Variants in PCDHA7 observed in about 807,000 individuals in gnomAD.
PCDHA7 encodes protocadherin alpha-7.
Under a neutral mutation model 57.2 loss-of-function variants are expected in PCDHA7, and 37 were observed. That is an observed-to-expected ratio of 0.65 (90% CI 0.50 to 0.85). The LOEUF is 0.85. Ranked by LOEUF, PCDHA7 falls within the 40% of genes least tolerant of loss-of-function variation. The probability of loss-of-function intolerance (pLI) is 0.00; values close to 1 mark genes in which losing one functional copy is unlikely to be tolerated. For missense variants in PCDHA7, 1,188 were observed against 1,241.8 expected (o/e 0.96, Z 0.65); for synonymous variants, 553 against 558.8 (o/e 0.99, Z 0.15).
intron 1 of PCDHA7, among the ~76,000 whole-genome samples, chr5:140,872,956 T>C (rs2054003251): frequency 6.6e-6 from 1 of 152,228 alleles, no homozygotes; most frequent in Admixed American, 6.5e-5. Context: ...CCACGTAGTA[T>C]CATCCCATCT....
At chr5:140,983,272 G>A (rs2097037556) in intron 3 of PCDHA7, among the ~76,000 whole-genome samples, 1 of 152,176 alleles carries the variant, frequency 6.6e-6, no homozygotes, top group African/African-American at 2.4e-5. Context: ...TAATGGCTGG[G>A]TGAGTATAGG....
chr5:140,954,995 T>C (rs962646761), intron 1 of PCDHA7, among the ~76,000 whole-genome samples: 2 of 152,222 alleles, frequency 1.3e-5, no homozygotes, highest in African/African-American at 2.4e-5. Context: ...TGCATATGGC[T>C]AGCCAATTCT....
At chr5:140,843,524 G>A (rs2150361987) in intron 1 of PCDHA7, 4 of 1,595,982 alleles carry the variant, frequency 2.5e-6, no homozygotes, top group East Asian at 4.5e-5. Flanking sequence ...GTGCCGGGCG[G>A]GCAAGCCCAC....
chr5:140,929,161 C>T lies in PCDHA7; in HGVS notation c.2356-49788C>T. On this transcript the variant is annotated intron_variant, in intron 1 of 3. Transcript: ENST00000525929. ...GAGACTTTCTCAGACTTATCTCTAT[C>T]GGGCCTCTCTGGGACTTGGTTCTGA... 2 of 1,614,136 alleles carry T rather than the reference C, an allele frequency of 1.2e-6. No homozygotes were observed. The highest frequency in any genetic ancestry group is 1.7e-6 in the Non-Finnish European group (2 of 1,180,028).
chr5:140,997,668 T>TTGTGTGTGTGTG (rs35184029), intron 3 of PCDHA7, among the ~76,000 whole-genome samples: 18 of 148,344 alleles, frequency 1.2e-4, no homozygotes, highest in Middle Eastern at 3.4e-3. Flanking sequence ...ATTATACAGC[T>TTGTGTGTGTGTG]TGTGTGTGTG....
In PCDHA7 at chr5:140,847,506, T is replaced by C. The variant is rs1397904253; in HGVS notation, c.2355+10768T>C. ...GATAGTAAAACTCACAACAAAACTT[T>C]GTAGAACTTAGTCAGGAAAAGAATC... On this transcript the variant is annotated intron_variant, in intron 1 of 3. Transcript: ENST00000525929. 2.0e-5 allele frequency: 3 copies of C among 149,790 alleles called. No individual in the cohort carries two copies. The Admixed American group carries it at 2.0e-4, about 10-fold the overall frequency. The allele number at this position is 149,790 out of a possible 1,614,324, so 9.3% of individuals were successfully genotyped here. A position where few individuals can be genotyped will look rare whatever the true frequency, so the allele number is the denominator to read the frequency against.
intron 1 of PCDHA7, chr5:140,927,716 G>A (rs782756674): frequency 2.5e-6 from 4 of 1,614,072 alleles, no homozygotes; most frequent in Non-Finnish European, 3.4e-6. Context: ...CTAAGCAACA[G>A]CACGCAAGCA....
At position 140,928,325 on chromosome 5, in the gene PCDHA7, G is replaced by A. The variant is rs1432328240; in HGVS notation, c.2356-50624G>A. 3.1e-6 allele frequency: 5 copies of A among 1,614,020 alleles called. No homozygotes were observed. The African/African-American group carries it at 6.7e-5, about 22-fold the overall frequency. ...CAGGACCCCGACCTGGGGAAGAATGGCCTTGTCTCTTATGAGCTGTTGGAT... is the reference window on the plus strand; with the variant it reads ...CAGGACCCCGACCTGGGGAAGAATGACCTTGTCTCTTATGAGCTGTTGGAT... On this transcript the variant is annotated intron_variant, in intron 1 of 3. Transcript: ENST00000525929.
intron 1 of PCDHA7, chr5:140,869,178 G>A (rs200717410): frequency 1.0e-4 from 168 of 1,613,870 alleles, no homozygotes; most frequent in Non-Finnish European, 1.3e-4. Flanking sequence ...AATTCTGGGA[G>A]GTGGGGAGCG....
At chr5:140,924,484 A>G (rs1198741385) in intron 1 of PCDHA7, among the ~76,000 whole-genome samples, 1 of 152,184 alleles carries the variant, frequency 6.6e-6, no homozygotes, top group Non-Finnish European at 1.5e-5. Flanking sequence ...TTTTAGTGGA[A>G]CACTGGCATT....
At chr5:140,875,286 G>GA (rs1582198607) in intron 1 of PCDHA7, 2 of 1,381,840 alleles carry the variant, frequency 1.4e-6, no homozygotes, top group South Asian at 3.3e-5. Flanking sequence ...GGTGAAACAG[G>GA]AAAATTTTTT....
At chr5:140,840,780 T>G (rs1429191969) in intron 1 of PCDHA7, among the ~76,000 whole-genome samples, 1 of 152,072 alleles carries the variant, frequency 6.6e-6, no homozygotes, top group Admixed American at 6.5e-5. Flanking sequence ...AAAGTTAGAA[T>G]TATATGCTCA....
At chr5:140,921,213 G>C (rs759293646) in intron 1 of PCDHA7, among the ~76,000 whole-genome samples, 2 of 151,378 alleles carry the variant, frequency 1.3e-5, no homozygotes, top group African/African-American at 2.4e-5. Flanking sequence ...GATAATTCAC[G>C]TCTTTTTTGC....
chr5:140,876,657 C>T (rs782518264), intron 1 of PCDHA7: 3 of 1,614,228 alleles, frequency 1.9e-6, no homozygotes, highest in East Asian at 4.5e-5. Flanking sequence ...ATGTTCCCTT[C>T]AAGCTGGTGT....
At chr5:140,943,008 G>A (rs2093405058) in intron 1 of PCDHA7, among the ~76,000 whole-genome samples, 2 of 152,052 alleles carry the variant, frequency 1.3e-5, no homozygotes, top group African/African-American at 4.8e-5. Context: ...TGTAATCCCA[G>A]CACTTTGGGA....
Position 141,009,783 on chromosome 5 carries a change from G to C in PCDHA7, c.2660G>C (p.Arg887Pro). The part of the protein sequence containing the change: ...IPGSPAIISI[R>P]QEPTNSQIDK... The stretch of plus-strand genomic sequence containing the variant: ...GGATCTCCTGCAATCATCTCCATCC[G>C]GCAGGAGCCTACTAACAGCCAAATT... Residue 887 changes from arginine (R) to proline (P), a missense_variant, in exon 4 of 4, where the codon CGG (arginine) becomes CCG (proline). Arg to Pro is a moderately radical substitution (Grantham distance 103). Coordinates refer to ENST00000525929, the MANE Select transcript of PCDHA7 (RefSeq NM_018910.3). 2 of 1,614,000 alleles carry C rather than the reference G, an allele frequency of 1.2e-6. No homozygotes were observed. The highest frequency in any genetic ancestry group is 1.7e-6 in the Non-Finnish European group (2 of 1,180,008).
intron 1 of PCDHA7, chr5:140,966,927 C>T (rs1434590204): frequency 1.2e-6 from 2 of 1,603,398 alleles, no homozygotes; most frequent in Admixed American, 1.7e-5. Flanking sequence ...GAGCAGGCAC[C>T]CGGCGCGCTC....
At chr5:140,915,716 C>T (rs2077274657) in intron 1 of PCDHA7, among the ~76,000 whole-genome samples, 1 of 152,024 alleles carries the variant, frequency 6.6e-6, no homozygotes, top group East Asian at 1.9e-4. Context: ...GTGGCCCCCA[C>T]TTTGGATTGT....
Position 140,836,166 on chromosome 5 carries a change from C to T in PCDHA7, c.1783C>T (p.Arg595Cys), listed in dbSNP as rs373780071. The change falls in exon 1 of 4, where the codon CGT becomes TGT. Residue 595 changes from arginine to cysteine, a missense_variant. Arg to Cys is a radical substitution (Grantham distance 180). This residue lies in a region of PCDHA7 where 892 missense variants were observed against 788.5 expected (regional missense o/e 1.13). Coordinates refer to ENST00000525929, the MANE Select transcript of PCDHA7 (RefSeq NM_018910.3). ...VGAGHVVAKVRAVDADSGYNA... is the reference protein window; with the variant it reads ...VGAGHVVAKVCAVDADSGYNA... ...CGCGGGCCATGTGGTGGCGAAGGTACGTGCAGTTGACGCTGACTCAGGCTA... is the reference window on the plus strand; with the variant it reads ...CGCGGGCCATGTGGTGGCGAAGGTATGTGCAGTTGACGCTGACTCAGGCTA... The T allele has an allele frequency of 4.3e-6, 7 of 1,613,708 alleles. No homozygotes were observed. In the African/African-American group the frequency reaches 5.3e-5, roughly 12 times the overall value.
Sources: allele counts gnomAD v4.1 joint callset (sites outside exome capture counted in the v4.1 genomes callset), GRCh38; gene constraint gnomAD v4.1.1; regional missense constraint gnomAD v4.1.1; transcripts MANE v1.5; gene names NCBI Gene and HGNC (gene_info 2026-07-23, HGNC 2026-07-21).